ZNF563: variants seen among roughly 807,000 people sequenced by gnomAD.
ZNF563 encodes zinc finger protein 563.
Under a neutral mutation model 48.5 loss-of-function variants are expected in ZNF563, and 39 were observed. That is an observed-to-expected ratio of 0.80 (90% CI 0.62 to 1.05). ZNF563 has a LOEUF of 1.05. Ranked by LOEUF, ZNF563 falls within the 50% of genes least tolerant of loss-of-function variation. ZNF563 has a pLI of 0.00. For synonymous variants in ZNF563, 168 were observed against 187.9 expected (o/e 0.89, Z 0.87); for missense variants, 538 against 597.0 (o/e 0.90, Z 1.03).
chr19:12,333,335 G>T, intron 1 of ZNF563, 145 bp downstream of exon 1: 4 of 1,147,088 alleles, frequency 3.5e-6, no homozygotes, highest in South Asian at 1.5e-5. Flanking sequence ...TGGCTGAGGG[G>T]ACCGAGGGTC....
chr19:12,346,023 C>T, the ZNF563 span: 2 of 152,116 alleles, frequency 1.3e-5, no homozygotes, highest in East Asian at 1.9e-4. Flanking sequence ...TGGACTACAT[C>T]GAAATTAAAA....
At chr19:12,329,906 C>CTTTCT (rs938578537) in intron 1 of ZNF563, among the ~76,000 whole-genome samples, 14 of 150,694 alleles carry the variant, frequency 9.3e-5, no homozygotes, top group East Asian at 2.0e-4. Flanking sequence ...GTAGGTAATA[C>CTTTCT]TTTCTTTTCT....
At chr19:12,334,599 T>C (rs963914648), upstream of ZNF563, among the ~76,000 whole-genome samples, 2 of 152,146 alleles carry the variant, frequency 1.3e-5, no homozygotes, top group African/African-American at 4.8e-5. Context: ...CCCGGGGCGG[T>C]GGCTCACGCC....
chr19:12,346,741 A>G, the ZNF563 span: 2 of 152,236 alleles, frequency 1.3e-5, no homozygotes, highest in Admixed American at 1.3e-4. Flanking sequence ...TGCTTTAACC[A>G]TACAGTGGAA....
intron 1 of ZNF563, among the ~76,000 whole-genome samples, chr19:12,331,364 T>C (rs944159753): frequency 2.7e-5 from 4 of 150,750 alleles, no homozygotes; most frequent in African/African-American, 9.7e-5. Context: ...GACTACTCCC[T>C]ACCCCCAACC....
At chr19:12,334,664 T>C (rs987925049), upstream of ZNF563, among the ~76,000 whole-genome samples, 1 of 152,054 alleles carries the variant, frequency 6.6e-6, no homozygotes, top group African/African-American at 2.4e-5. Context: ...AGGTCACCAG[T>C]TGGAGACCAG....
Position 12,328,642 on chromosome 19 carries a change from T to C in ZNF563, c.3+4838A>G, listed in dbSNP as rs531833325. Among the ~76,000 whole-genome samples, 10 of 152,180 alleles carry C rather than the reference T, an allele frequency of 6.6e-5. No homozygotes were observed. The South Asian group carries it at 2.1e-3, about 32-fold the overall frequency. ...ACAAATAGCCGGGCATGGTGGCACA[T>C]GCCTGTAATCTCAGCTACTCAGGAG... is the stretch of plus-strand genomic sequence containing the variant. On this transcript the variant is annotated intron_variant, in intron 1 of 3. Transcript: ENST00000293725.
At chr19:12,333,164 T>A (rs534500369) in intron 1 of ZNF563, among the ~76,000 whole-genome samples, 1 of 152,278 alleles carries the variant, frequency 6.6e-6, no homozygotes, top group South Asian at 2.1e-4. Flanking sequence ...CGAGTGGGGA[T>A]TCCCTCCATG....
the ZNF563 span, among the ~76,000 whole-genome samples, chr19:12,341,223 T>C: frequency 1.3e-5 from 2 of 152,154 alleles, no homozygotes; most frequent in Non-Finnish European, 2.9e-5. Context: ...GCTAATTTTT[T>C]GTATTTTTAG....
At chr19:12,333,431 T>TG in intron 1 of ZNF563, 49 bp downstream of exon 1, 1 of 1,611,874 alleles carries the variant, frequency 6.2e-7, no homozygotes. Context: ...TCTGGACGGT[T>TG]CCAACCAGCT....
chr19:12,338,169 C>G (rs551164541), upstream of ZNF563, among the ~76,000 whole-genome samples: 308 of 152,208 alleles, frequency 2.0e-3, 1 homozygote, highest in African/African-American at 7.1e-3. Context: ...GGGTAGATGG[C>G]AGGGTACCAA....
intron 1 of ZNF563, among the ~76,000 whole-genome samples, chr19:12,325,919 C>G (rs1325857496): frequency 2.0e-5 from 3 of 152,224 alleles, no homozygotes; most frequent in African/African-American, 7.2e-5. Flanking sequence ...TCTGCAAACA[C>G]ACTTTGAAAA....
At chr19:12,328,687 T>C (rs1223115723) in intron 1 of ZNF563, among the ~76,000 whole-genome samples, 1 of 152,092 alleles carries the variant, frequency 6.6e-6, no homozygotes, top group African/African-American at 2.4e-5. Flanking sequence ...GGAGATCACT[T>C]GAACCCAGGA....
At chr19:12,330,225 G>T (rs1968889614) in intron 1 of ZNF563, among the ~76,000 whole-genome samples, 3 of 151,998 alleles carry the variant, frequency 2.0e-5, no homozygotes, top group Admixed American at 2.0e-4. Flanking sequence ...CGGGGCAGAG[G>T]TAATACTTTC....
intron 1 of ZNF563, among the ~76,000 whole-genome samples, chr19:12,324,059 C>A (rs1458155075): frequency 1.3e-5 from 2 of 152,050 alleles, no homozygotes; most frequent in African/African-American, 4.8e-5. Flanking sequence ...ACCTAAATAA[C>A]CAAAAATTTC....
intron 1 of ZNF563, among the ~76,000 whole-genome samples, chr19:12,327,580 A>C (rs964328796): frequency 1.3e-5 from 2 of 152,188 alleles, no homozygotes; most frequent in African/African-American, 4.8e-5. Context: ...CAATTACTAC[A>C]TTAAATGTGT....
At position 12,318,351 on chromosome 19, in the gene ZNF563, A is replaced by T. The variant is rs1158832159; in HGVS notation, c.*243T>A. 11 of 535,294 alleles carry T rather than the reference A, an allele frequency of 2.1e-5. No homozygotes were observed. The highest frequency in any genetic ancestry group is 3.3e-6 in the Non-Finnish European group (1 of 305,620). The allele number at this position is 535,294 out of a possible 1,614,324, so 33.2% of individuals were successfully genotyped here. A position where few individuals can be genotyped will look rare whatever the true frequency, so the allele number is the denominator to read the frequency against. The stretch of plus-strand genomic sequence containing the variant: ...GCTTCCCTACATATTTTACACTCAC[A>T]GAGTTTTTCTGCTCTGTGAGTTGTT... On this transcript the variant is annotated 3_prime_UTR_variant, in exon 4 of 4. Coordinates refer to ENST00000293725, the MANE Select transcript of ZNF563 (RefSeq NM_145276.3).
chr19:12,332,347 C>CTT lies in ZNF563; in HGVS notation c.3+1131_3+1132dup, dbSNP rs567439951. On this transcript the variant is annotated intron_variant, in intron 1 of 3. Coordinates refer to ENST00000293725, the MANE Select transcript of ZNF563 (RefSeq NM_145276.3). ...TCTAACTTTGTTTTTTTTCTTTTTT[C>CTT]TTTTTTTTTTTTTTTTTGAGACGGA... Among the ~76,000 whole-genome samples the CTT allele has an allele frequency of 7.8e-3, 1,056 of 135,104 alleles. 22 individuals carry two copies. Among genetic ancestry groups the CTT allele is most frequent in the African/African-American group, 0.027 (976 of 36,040 alleles). The allele number at this position is 135,104 out of a possible 152,430, so 88.6% of individuals were successfully genotyped here.
intron 3 of ZNF563, among the ~76,000 whole-genome samples, 164 bp from the exon 4 acceptor site, chr19:12,319,997 A>G (rs143274912): frequency 2.3e-4 from 35 of 151,786 alleles, no homozygotes; most frequent in African/African-American, 7.7e-4. Context: ...GCTCACTGCA[A>G]TCTCTTCCTC....
Sources: allele counts gnomAD v4.1 joint callset (sites outside exome capture counted in the v4.1 genomes callset), GRCh38; gene constraint gnomAD v4.1.1; transcripts MANE v1.5; gene names NCBI Gene and HGNC (gene_info 2026-07-23, HGNC 2026-07-21).